Variants in CDH13 observed in about 807,000 individuals in gnomAD.
CDH13 encodes the protein cadherin-13.
A neutral mutation model predicts 63.8 loss-of-function variants in CDH13; 24 were observed. The observed-to-expected ratio is 0.38, with a 90% CI of 0.27 to 0.53. The LOEUF is 0.53. CDH13 is among the 20% of genes least tolerant of loss of function. The pLI is 0.85. For synonymous variants in CDH13, 503 were observed against 355.3 expected (o/e 1.42, Z -4.67); for missense variants, 1,049 against 903.1 (o/e 1.16, Z -2.07).
intron 5 of CDH13, among the ~76,000 whole-genome samples, chr16:83,284,341 G>A (rs188023801): frequency 2.0e-5 from 3 of 152,142 alleles, no homozygotes; most frequent in Non-Finnish European, 2.9e-5. Context: ...CAAATTGCCT[G>A]TTAGACCATA....
intron 6 of CDH13, among the ~76,000 whole-genome samples, chr16:83,372,643 T>C (rs1425074898): frequency 1.3e-5 from 2 of 150,256 alleles, no homozygotes; most frequent in African/African-American, 4.9e-5. Flanking sequence ...TCCCAGCTAC[T>C]CGGGAGGCTG....
chr16:83,010,391 A>G (rs1473008490), intron 2 of CDH13, among the ~76,000 whole-genome samples: 1 of 152,128 alleles, frequency 6.6e-6, no homozygotes. Context: ...ACAGAGATGC[A>G]CGACTGTCAG....
chr16:83,062,328 C>T (rs985422339), intron 3 of CDH13, among the ~76,000 whole-genome samples: 1 of 152,124 alleles, frequency 6.6e-6, no homozygotes, highest in Non-Finnish European at 1.5e-5. Context: ...TTTTTAAAAG[C>T]GTTGTTTCTT....
intron 1 of CDH13, among the ~76,000 whole-genome samples, chr16:82,658,948 A>G (rs1911615596): frequency 6.6e-6 from 1 of 152,192 alleles, no homozygotes; most frequent in East Asian, 1.9e-4. Context: ...TTCTCAGACT[A>G]TTGTGAGCAT....
chr16:83,524,010 A>T (rs1292648912), intron 7 of CDH13, among the ~76,000 whole-genome samples: 1 of 152,226 alleles, frequency 6.6e-6, no homozygotes, highest in African/African-American at 2.4e-5. Flanking sequence ...TTCTTAGATC[A>T]CAGCTCTTAA....
intron 4 of CDH13, among the ~76,000 whole-genome samples, chr16:83,205,543 GCAA>G (rs2039157542): frequency 6.6e-6 from 1 of 151,642 alleles, no homozygotes; most frequent in Admixed American, 6.6e-5. Context: ...TATTTTGAAT[GCAA>G]GAAAAGAAGT....
chr16:83,595,268 T>C (rs1017823469), intron 7 of CDH13, among the ~76,000 whole-genome samples: 9 of 152,250 alleles, frequency 5.9e-5, no homozygotes, highest in African/African-American at 2.2e-4. Flanking sequence ...GAAATGCCAC[T>C]GATATGCTCA....
Position 83,796,893 on chromosome 16 carries a change from C to G in CDH13, c.*1863C>G, listed in dbSNP as rs898355153. On this transcript the variant is annotated 3_prime_UTR_variant, in exon 14 of 14. Coordinates refer to ENST00000567109, the MANE Select transcript of CDH13 (RefSeq NM_001257.5). The stretch of plus-strand genomic sequence containing the variant: ...TGACCACATTAAGCATAGTCATGGC[C>G]ATCTGTCAACAGTCCCAAGACCTGG... 6.6e-5 allele frequency: 10 copies of G among 152,196 alleles called. No individual in the cohort carries two copies. Among genetic ancestry groups the G allele is most frequent in the Admixed American group, 5.2e-4 (8 of 15,278 alleles). The allele number at this position is 152,196 out of a possible 1,614,324, so 9.4% of individuals were successfully genotyped here.
Position 82,720,886 on chromosome 16 carries a change from G to C in CDH13, c.45+93749G>C, listed in dbSNP as rs116615322. Among the ~76,000 whole-genome samples, 709 of 152,272 alleles carry C rather than the reference G, an allele frequency of 4.7e-3. 5 individuals carry two copies. Among genetic ancestry groups the C allele is most frequent in the African/African-American group, 0.016 (679 of 41,550 alleles). ...ATGAGTCTCCTGTGCCTGAAACAAA[G>C]CTTGGTAAATAGTAGATGCTCAGTA... On this transcript the variant is annotated intron_variant, in intron 1 of 13. Coordinates refer to ENST00000567109, the MANE Select transcript of CDH13 (RefSeq NM_001257.5).
At position 83,144,304 on chromosome 16, in the gene CDH13, G is replaced by A. The variant is rs144330312; in HGVS notation, c.483+18803G>A. Among the ~76,000 whole-genome samples, 167 of 152,268 alleles carry A rather than the reference G, an allele frequency of 1.1e-3. 2 individuals are homozygous for A. The highest frequency in any genetic ancestry group is 1.9e-3 in the East Asian group (10 of 5,170). On this transcript the variant is annotated intron_variant, in intron 4 of 13. Coordinates refer to ENST00000567109, the MANE Select transcript of CDH13 (RefSeq NM_001257.5). ...CACTCTTCCAAATAGTTGAAGTTAC[G>A]TGTAAGTGAACACCACCTAACCAAT...
At chr16:82,782,710 C>T (rs1374566690) in intron 1 of CDH13, among the ~76,000 whole-genome samples, 4 of 152,136 alleles carry the variant, frequency 2.6e-5, no homozygotes, top group Non-Finnish European at 5.9e-5. Flanking sequence ...AAACAAAATG[C>T]CAAGAACAAA....
At chr16:83,092,179 A>T (rs2033945091) in intron 3 of CDH13, among the ~76,000 whole-genome samples, 2 of 152,254 alleles carry the variant, frequency 1.3e-5, no homozygotes, top group South Asian at 4.2e-4. Flanking sequence ...CAAATCTTAG[A>T]CTCAGAAAAT....
intron 6 of CDH13, among the ~76,000 whole-genome samples, chr16:83,391,898 G>A (rs1487872850): frequency 2.0e-5 from 3 of 152,098 alleles, no homozygotes; most frequent in African/African-American, 4.8e-5. Flanking sequence ...AATCGAGTTG[G>A]GTTCTAGACT....
chr16:83,668,660 CT>C (rs1914224891), intron 8 of CDH13, among the ~76,000 whole-genome samples: 1 of 152,224 alleles, frequency 6.6e-6, no homozygotes, highest in African/African-American at 2.4e-5. Flanking sequence ...CCATGGGGAT[CT>C]AAGGTGGGCA....
intron 1 of CDH13, among the ~76,000 whole-genome samples, chr16:82,742,366 T>C (rs1597452622): frequency 6.6e-6 from 1 of 152,136 alleles, no homozygotes; most frequent in African/African-American, 2.4e-5. Context: ...TGAACATACA[T>C]AGCATTTATA....
Position 83,683,437 on chromosome 16 carries a change from T to A in CDH13, c.1538+4976T>A, listed in dbSNP as rs555329216. Among the ~76,000 whole-genome samples, 3 of 152,360 alleles carry A rather than the reference T, an allele frequency of 2.0e-5. No individual in the cohort carries two copies. The South Asian group carries it at 6.2e-4, about 32-fold the overall frequency. ...TGGATCTGTCTCCCTCAATCACGTA[T>A]GTGAGTATTCTGTTTTTCATTACCA... is the stretch of plus-strand genomic sequence containing the variant. On this transcript the variant is annotated intron_variant, in intron 10 of 13. Transcript: ENST00000567109.
chr16:82,918,297 T>C (rs1005731682), intron 2 of CDH13, among the ~76,000 whole-genome samples: 6 of 152,164 alleles, frequency 3.9e-5, no homozygotes, highest in Non-Finnish European at 7.3e-5. Context: ...TGAAACTAGA[T>C]GAATTATTTC....
intron 8 of CDH13, among the ~76,000 whole-genome samples, chr16:83,652,866 A>G (rs1912516925): frequency 6.6e-6 from 1 of 152,234 alleles, no homozygotes; most frequent in Non-Finnish European, 1.5e-5. Context: ...TCACAGCAGC[A>G]TTATTCCCCA....
chr16:83,199,502 G>T (rs953455289), intron 4 of CDH13, among the ~76,000 whole-genome samples: 1 of 152,102 alleles, frequency 6.6e-6, no homozygotes, highest in Non-Finnish European at 1.5e-5. Context: ...CTGCATTTGT[G>T]AAGTTAAAAA....
Sources: gnomAD v4.1 joint callset for allele counts (sites outside exome capture counted in the v4.1 genomes callset) on GRCh38, gnomAD v4.1.1 for gene constraint, MANE v1.5 for transcripts, NCBI Gene and HGNC (gene_info 2026-07-23, HGNC 2026-07-21) for gene names.